FGFR3: variants seen among roughly 807,000 people sequenced by gnomAD.
FGFR3 encodes fibroblast growth factor receptor 3.
FGFR3 carries 25 observed loss-of-function variants against 82.9 expected under a neutral mutation model. The ratio of observed to expected loss-of-function variants is 0.30; its 90% CI spans 0.22 to 0.42. FGFR3 has a LOEUF of 0.42. Among genes scored for constraint, FGFR3 ranks in the 10% least tolerant of loss-of-function variants. The pLI is 1.00. For synonymous variants in FGFR3, 620 were observed against 516.0 expected (o/e 1.20, Z -2.73); for missense variants, 1,026 against 1,161.0 (o/e 0.88, Z 1.69).
rs17884368 is a variant in FGFR3 at position 1,804,878 on chromosome 4, G to A, written c.1321G>A (p.Ala441Thr). ...CTCCAACACACCACTGGTGCGCATC[G>A]CAAGGCTGTCCTCAGGGGAGGGCCC... ...MSSNTPLVRI[A>T]RLSSGEGPTL... Residue 441 changes from alanine (A) to threonine (T), a missense_variant, in exon 10 of 18, where the codon GCA becomes ACA. Around this residue, in one of 9 missense-constraint regions of FGFR3, gnomAD observed 256 missense variants for 217.6 expected, o/e 1.18. Transcript: ENST00000440486. The A allele has an allele frequency of 1.9e-5, 29 of 1,549,990 alleles. No homozygotes were observed. Among genetic ancestry groups the A allele is most frequent in the East Asian group, 7.3e-5 (3 of 40,906 alleles).
intron 8 of FGFR3, 141 bp downstream of exon 8, chr4:1,803,977 C>T (rs1389806671): frequency 9.4e-7 from 1 of 1,061,632 alleles, no homozygotes; most frequent in Admixed American, 1.8e-5. Context: ...GCCCTGTGCC[C>T]AGTGTGGGGA....
In FGFR3 at chr4:1,804,355, C is replaced by T. The variant is rs779695832; in HGVS notation, c.1101C>T (p.Asp367=). The change falls in exon 9 of 18, where the codon GAC becomes GAT. Residue 367 remains aspartate (D), a synonymous_variant. Transcript: ENST00000440486. ...LPAEEELVEA[D]EAGSVYAGIL... ...CCGAGGAGGAGCTGGTGGAGGCTGA[C>T]GAGGCGGGCAGTGTGTATGCAGGCA... The T allele has an allele frequency of 1.3e-5, 21 of 1,610,708 alleles. No homozygotes were observed. Among genetic ancestry groups the T allele is most frequent in the Admixed American group, 1.7e-5 (1 of 59,800 alleles).
rs1423811022 is a variant in FGFR3 at position 1,808,824 on chromosome 4, C to G, written c.*1562C>G. On this transcript the variant is annotated 3_prime_UTR_variant, in exon 18 of 18. Transcript: ENST00000440486. ...AAACCGGCAGGTGCGATTTTGTTAA[C>G]CCAGCGACGAACTTTCCGAAAAATA... 5 of 229,276 alleles carry G rather than the reference C, an allele frequency of 2.2e-5. No homozygotes were observed. Among genetic ancestry groups the G allele is most frequent in the African/African-American group, 1.1e-4 (5 of 45,072 alleles). The allele number at this position is 229,276 out of a possible 1,614,324, so 14.2% of individuals were successfully genotyped here. A position where few individuals can be genotyped will look rare whatever the true frequency, so the allele number is the denominator to read the frequency against.
chr4:1,796,627 A>G (rs2108762443), intron 2 of FGFR3, among the ~76,000 whole-genome samples: 1 of 152,176 alleles, frequency 6.6e-6, no homozygotes, highest in Admixed American at 6.5e-5. Flanking sequence ...TGATGGAGCA[A>G]GGCTCCCCCA....
Position 1,807,846 on chromosome 4 carries a change from A to T in FGFR3, c.*584A>T. On this transcript the variant is annotated 3_prime_UTR_variant, in exon 18 of 18. Transcript: ENST00000440486. ...CCTTTACCTTTTATGCAAAAGGTTT[A>T]TTCCGGAAACTAGTGTACATTTCTA... is the stretch of plus-strand genomic sequence containing the variant. 1 of 436,576 alleles carries T rather than the reference A, an allele frequency of 2.3e-6. No homozygotes were observed. The highest frequency in any genetic ancestry group is 4.4e-6 in the Non-Finnish European group (1 of 229,588). The allele number at this position is 436,576 out of a possible 1,614,324, so 27.0% of individuals were successfully genotyped here. A position where few individuals can be genotyped will look rare whatever the true frequency, so the allele number is the denominator to read the frequency against.
rs766423062 is a variant in FGFR3, at chr4:1,801,716, C to A, written c.712C>A (p.Arg238=). The A allele has an allele frequency of 6.2e-7, 1 of 1,608,498 alleles. No homozygotes were observed. The highest frequency in any genetic ancestry group is 1.1e-5 in the South Asian group (1 of 90,566). ...CGTGGAGAACAAGTTTGGCAGCATC[C>A]GGCAGACGTACACGCTGGACGTGCT... is the stretch of plus-strand genomic sequence containing the variant. ...CVVENKFGSI[R]QTYTLDVLER... The change falls in exon 6 of 18, where the codon CGG becomes AGG. Residue 238 remains arginine (R), a synonymous_variant. Transcript: ENST00000440486.
intron 2 of FGFR3, among the ~76,000 whole-genome samples, chr4:1,797,087 C>T (rs1720602390): frequency 6.6e-6 from 1 of 152,172 alleles, no homozygotes; most frequent in Non-Finnish European, 1.5e-5. Flanking sequence ...TTGGGTACAG[C>T]AGGAGTTTTG....
chr4:1,799,919 C>G (rs2108775680), intron 4 of FGFR3, 107 bp downstream of exon 4: 2 of 1,262,738 alleles, frequency 1.6e-6, no homozygotes, highest in Middle Eastern at 2.3e-4. Context: ...GAACAACCTC[C>G]CTGGGGTCAC....
At chr4:1,795,104 C>T (rs991969798) in intron 2 of FGFR3, among the ~76,000 whole-genome samples, 1 of 151,628 alleles carries the variant, frequency 6.6e-6, no homozygotes, top group Non-Finnish European at 1.5e-5. Flanking sequence ...TGCAGCCTCC[C>T]GGAACAATGT....
chr4:1,801,101 CT>C (rs1721115587), intron 4 of FGFR3, among the ~76,000 whole-genome samples: 1 of 152,222 alleles, frequency 6.6e-6, no homozygotes, highest in African/African-American at 2.4e-5. Flanking sequence ...GTGGGCTCCC[CT>C]GGACAATGCC....
Position 1,807,258 on chromosome 4 carries a change from C to G in FGFR3, c.2417C>G (p.Thr806Arg), listed in dbSNP as rs374547489. ...CCACCCAGCAGTGGGGGCTCGCGGA[C>G]GTGAAGGGCCACTGGTCCCCAACAA... ...PAPPSSGGSRT is the reference protein window; with the variant it reads ...PAPPSSGGSRR Residue 806 changes from threonine to arginine, a missense_variant, in exon 18 of 18, where the codon ACG becomes AGG. Around this residue, in one of 9 missense-constraint regions of FGFR3, gnomAD observed 155 missense variants for 150.2 expected, o/e 1.03. Transcript: ENST00000440486. 6.3e-7 allele frequency: 1 copy of G among 1,598,710 alleles called. No individual in the cohort carries two copies. The highest frequency in any genetic ancestry group is 8.5e-7 in the Non-Finnish European group (1 of 1,174,772).
At chr4:1,802,740 G>A (rs3135880) in intron 7 of FGFR3, among the ~76,000 whole-genome samples, 5 of 152,288 alleles carry the variant, frequency 3.3e-5, no homozygotes, top group East Asian at 3.9e-4. Flanking sequence ...AGGCAGAGAC[G>A]TGCATCCTGT....
intron 2 of FGFR3, among the ~76,000 whole-genome samples, chr4:1,798,478 T>C (rs374856144): frequency 6.6e-6 from 1 of 151,610 alleles, no homozygotes; most frequent in East Asian, 2.0e-4. Flanking sequence ...ATGACCGCCG[T>C]GTGGAGCTTC....
rs1720943710 is a variant in FGFR3 at position 1,799,542 on chromosome 4, C to G, written c.379+19C>G. ...GTGACAGGTGAGCTCTGGGGCCACG[C>G]CAGCTACAGAAAGGAGCCGAGTGCC... is the stretch of plus-strand genomic sequence containing the variant. On this transcript the variant is annotated intron_variant, in intron 3 of 17. Coordinates refer to ENST00000440486, the MANE Select transcript of FGFR3 (RefSeq NM_000142.5). The G allele has an allele frequency of 6.4e-7, 1 of 1,550,966 alleles. No homozygotes were observed.
chr4:1,806,532 A>C lies in FGFR3; in HGVS notation c.2031-14A>C, dbSNP rs1577293170. 1.2e-6 allele frequency: 2 copies of C among 1,612,680 alleles called. No individual in the cohort carries two copies. Among genetic ancestry groups the C allele is most frequent in the African/African-American group, 2.7e-5 (2 of 74,950 alleles). The stretch of plus-strand genomic sequence containing the variant: ...GGGAGTCTCAGGACAGCCTGACCTC[A>C]CCTTCCCCTGCAGCTGGTCCTTTGG... On this transcript the variant is annotated splice_polypyrimidine_tract_variant and intron_variant, in intron 15 of 17. Transcript: ENST00000440486.
At chr4:1,798,791 C>G (rs79354844) in intron 2 of FGFR3, among the ~76,000 whole-genome samples, 1,987 of 152,270 alleles carry the variant, frequency 0.013, 52 homozygotes, top group African/African-American at 0.045. Context: ...CCTCTGAGCT[C>G]CATTTCAGTC....
In FGFR3 at chr4:1,807,944, C is replaced by T. The variant is rs1295522471; in HGVS notation, c.*682C>T. ...TATATGGAAGAGGAAAAGGCTGGTA[C>T]AACGGAGGCCTGCGACCCTGGGGGC... On this transcript the variant is annotated 3_prime_UTR_variant, in exon 18 of 18. Coordinates refer to ENST00000440486, the MANE Select transcript of FGFR3 (RefSeq NM_000142.5). 4 of 257,786 alleles carry T rather than the reference C, an allele frequency of 1.6e-5. No homozygotes were observed. Among genetic ancestry groups the T allele is most frequent in the Non-Finnish European group, 3.0e-5 (4 of 132,964 alleles). The allele number at this position is 257,786 out of a possible 1,614,324, so 16.0% of individuals were successfully genotyped here.
intron 1 of FGFR3, 97 bp downstream of exon 1, chr4:1,793,562 G>GCGGGC (rs944440827): frequency 1.3e-5 from 2 of 149,090 alleles, no homozygotes; most frequent in South Asian, 2.1e-4. Flanking sequence ...GGTCCCTGCA[G>GCGGGC]CGGGCCGGGC....
intron 2 of FGFR3, among the ~76,000 whole-genome samples, chr4:1,795,564 G>C (rs1720406121): frequency 6.6e-6 from 1 of 152,240 alleles, no homozygotes; most frequent in South Asian, 2.1e-4. Flanking sequence ...GAAATGGACT[G>C]AGGTCTAGGC....
Sources: gnomAD v4.1 joint callset for allele counts (sites outside exome capture counted in the v4.1 genomes callset) on GRCh38, gnomAD v4.1.1 for gene constraint, gnomAD v4.1.1 regional missense constraint, MANE v1.5 for transcripts, NCBI Gene and HGNC (gene_info 2026-07-23, HGNC 2026-07-21) for gene names.